The following ZNF658 variants were observed in gnomAD, a reference collection of about 807,000 sequenced individuals.
ZNF658 encodes zinc finger protein 658.
ZNF658 carries 46 observed loss-of-function variants against 78.0 expected under a neutral mutation model. The observed-to-expected ratio is 0.59, with a 90% CI of 0.47 to 0.75. The LOEUF is 0.75. Among genes scored for constraint, ZNF658 ranks in the 30% least tolerant of loss-of-function variants. The pLI is 0.00. For missense variants in ZNF658, 785 were observed against 1,189.3 expected (o/e 0.66, Z 5.00); for synonymous variants, 279 against 408.4 (o/e 0.68, Z 3.82).
intron 6 of ZNF658, among the ~76,000 whole-genome samples, chr9:66,926,897 G>C: frequency 7.1e-6 from 1 of 141,580 alleles, no homozygotes; most frequent in South Asian, 2.4e-4. Context: ...CCAAGAAATA[G>C]ATCTGTGTAT....
chr9:66,910,809 A>C (rs1822198590), intron 4 of ZNF658, among the ~76,000 whole-genome samples: 1 of 138,728 alleles, frequency 7.2e-6, no homozygotes, highest in Non-Finnish European at 1.5e-5. Context: ...AAATTAAAAA[A>C]AAAAAAAAAA....
At chr9:66,922,300 G>A (rs150448942), downstream of ZNF658, among the ~76,000 whole-genome samples, 49 of 152,204 alleles carry the variant, frequency 3.2e-4, no homozygotes, top group African/African-American at 9.9e-4. Context: ...TCTGCTTCCC[G>A]GGTGAGGCAA....
intron 2 of ZNF658, among the ~76,000 whole-genome samples, chr9:66,904,577 T>C (rs1167494585): frequency 6.6e-6 from 1 of 152,166 alleles, no homozygotes; most frequent in Non-Finnish European, 1.5e-5. Context: ...CCATTTAAAG[T>C]GTAGAATTCA....
intron 1 of ZNF658, among the ~76,000 whole-genome samples, chr9:66,901,261 T>G (rs112317267): frequency 6.6e-6 from 1 of 152,140 alleles, no homozygotes; most frequent in Non-Finnish European, 1.5e-5. Flanking sequence ...GTATAAACGT[T>G]CCATTTTAAA....
chr9:66,922,420 T>C (rs1468843696), downstream of ZNF658, among the ~76,000 whole-genome samples: 1 of 148,694 alleles, frequency 6.7e-6, no homozygotes, highest in African/African-American at 2.5e-5. Context: ...ACTCATCTTC[T>C]GCGTCACTCA....
rs547877550 is a variant in ZNF658, at chr9:66,915,372, A to T, written c.239-2433A>T. Among the ~76,000 whole-genome samples the T allele has an allele frequency of 1.7e-4, 25 of 150,554 alleles. No homozygotes were observed. In the South Asian group the frequency reaches 4.9e-3, roughly 29 times the overall value. On this transcript the variant is annotated intron_variant, in intron 4 of 4. Coordinates refer to ENST00000621410, the MANE Select transcript of ZNF658 (RefSeq NM_033160.7). ...CTCTTCTTTCCACTTAGATTGTCCA[A>T]ATAAAGTTAGTTTGCTTTTATAGTT...
intron 4 of ZNF658, among the ~76,000 whole-genome samples, chr9:66,909,709 C>T (rs1235624900): frequency 6.6e-6 from 1 of 152,212 alleles, no homozygotes; most frequent in African/African-American, 2.4e-5. Context: ...GATTTCTCCA[C>T]ATCCTCACCA....
chr9:66,903,730 T>G (rs1401135336), intron 2 of ZNF658, among the ~76,000 whole-genome samples, 154 bp downstream of exon 2: 1 of 152,182 alleles, frequency 6.6e-6, no homozygotes, highest in Non-Finnish European at 1.5e-5. Context: ...CAAAGTGGCA[T>G]GTGGATAGAT....
Position 66,920,961 on chromosome 9 carries a change from C to G in ZNF658, c.*215C>G, listed in dbSNP as rs1174838525. ...GCCCTTAAAAAAAAAAAAGAAAAAC[C>G]CTCACAGTCTTCCTGGTTCATAAGA... is the stretch of plus-strand genomic sequence containing the variant. On this transcript the variant is annotated 3_prime_UTR_variant, in exon 5 of 5. Coordinates refer to ENST00000621410, the MANE Select transcript of ZNF658 (RefSeq NM_033160.7). The G allele has an allele frequency of 9.6e-6, 6 of 622,416 alleles. No homozygotes were observed. The highest frequency in any genetic ancestry group is 5.5e-5 in the East Asian group (2 of 36,612). The allele number at this position is 622,416 out of a possible 1,614,324, so 38.6% of individuals were successfully genotyped here. A position where few individuals can be genotyped will look rare whatever the true frequency, so the allele number is the denominator to read the frequency against.
Position 66,918,699 on chromosome 9 carries a change from A to G in ZNF658, c.1133A>G (p.Asp378Gly), listed in dbSNP as rs768545104. The part of the protein sequence containing the change: ...FTAHQRIHTE[D>G]KFYLSDEHGK... Reference sequence around the variant, plus strand: ...GCACATCAGAGAATTCACACAGAAGATAAATTCTACCTTTCTGATGAACAT... The same window carrying G: ...GCACATCAGAGAATTCACACAGAAGGTAAATTCTACCTTTCTGATGAACAT... Residue 378 changes from aspartate (D) to glycine (G), a missense_variant, in exon 5 of 5, where the codon GAT (aspartate) becomes GGT (glycine). Physicochemically the swap from Asp to Gly is moderately conservative, Grantham distance 94 (BLOSUM62 -1). Around this residue, in one of 12 missense-constraint regions of ZNF658, gnomAD observed 393 missense variants for 400.2 expected, o/e 0.98. Coordinates refer to ENST00000621410, the MANE Select transcript of ZNF658 (RefSeq NM_033160.7). 3.1e-6 allele frequency: 5 copies of G among 1,613,982 alleles called. No homozygotes were observed. The highest frequency in any genetic ancestry group is 4.2e-6 in the Non-Finnish European group (5 of 1,179,874).
Position 66,920,487 on chromosome 9 carries a change from C to T in ZNF658, c.2921C>T (p.Thr974Met), listed in dbSNP as rs1461379646. The T allele has an allele frequency of 9.4e-6, 15 of 1,595,274 alleles. No homozygotes were observed. The highest frequency in any genetic ancestry group is 2.2e-5 in the East Asian group (1 of 44,496). The change falls in exon 5 of 5, where the codon ACG (threonine) becomes ATG (methionine). Residue 974 changes from threonine to methionine, a missense_variant. Thr to Met is a moderately conservative substitution (Grantham distance 81, BLOSUM62 -1). Around this residue, in one of 12 missense-constraint regions of ZNF658, gnomAD observed 85 missense variants for 108.6 expected, o/e 0.78. Transcript: ENST00000621410. ...TATGAATGTAATGATTGTGGGAAAA[C>T]GTTCTCCCAGAAATCACACCTTAGT... is the stretch of plus-strand genomic sequence containing the variant. ...KSYECNDCGK[T>M]FSQKSHLSAH...
intron 3 of ZNF658, 124 bp from the exon 4 acceptor site, chr9:66,908,515 A>C (rs542564615): frequency 6.9e-7 from 1 of 1,449,716 alleles, no homozygotes; most frequent in Non-Finnish European, 9.2e-7. Flanking sequence ...GCAACATGTC[A>C]TTACTTTCCC....
At position 66,920,389 on chromosome 9, in the gene ZNF658, T is replaced by C; in HGVS notation, c.2823T>C (p.Asn941=). ...CGGGGGAGAAACCCTACGAATGTAA[T>C]GTATGTGGGAAGCCATTTGCCCATA... is the stretch of plus-strand genomic sequence containing the variant. ...VHTGEKPYEC[N]VCGKPFAHNS... Residue 941 remains asparagine, a synonymous_variant, in exon 5 of 5, where the codon AAT becomes AAC. Transcript: ENST00000621410. 6.2e-7 allele frequency: 1 copy of C among 1,612,418 alleles called. No homozygotes were observed. The highest frequency in any genetic ancestry group is 8.5e-7 in the Non-Finnish European group (1 of 1,179,758).
At chr9:66,922,432 G>A (rs574580030), downstream of ZNF658, among the ~76,000 whole-genome samples, 7 of 143,690 alleles carry the variant, frequency 4.9e-5, no homozygotes, top group South Asian at 2.4e-4. Context: ...CGTCACTCAC[G>A]CTGGGAGCTG....
intron 4 of ZNF658, among the ~76,000 whole-genome samples, chr9:66,915,081 ACACAC>A (rs1822303692): frequency 6.6e-6 from 1 of 151,720 alleles, no homozygotes; most frequent in African/African-American, 2.4e-5. Context: ...ACACACACAC[ACACAC>A]ACACACATAC....
Position 66,921,049 on chromosome 9 carries a change from A to C in ZNF658, c.*303A>C. 1 of 380,858 alleles carries C rather than the reference A, an allele frequency of 2.6e-6. No homozygotes were observed. Among genetic ancestry groups the C allele is most frequent in the East Asian group, 4.6e-5 (1 of 21,864 alleles). 23.6% of individuals were successfully genotyped at this position (380,858 alleles called of 1,614,324 possible). On this transcript the variant is annotated 3_prime_UTR_variant, in exon 5 of 5. Coordinates refer to ENST00000621410, the MANE Select transcript of ZNF658 (RefSeq NM_033160.7). Reference sequence around the variant, plus strand: ...TGTGTGTTCAAAACCATAGAGCACAAGGTCAAGGAAGCTAGAGTCTGAAAA... The same window carrying C: ...TGTGTGTTCAAAACCATAGAGCACACGGTCAAGGAAGCTAGAGTCTGAAAA...
chr9:66,900,948 C>G (rs1344368338), intron 1 of ZNF658, 112 bp downstream of exon 1: 2 of 152,074 alleles, frequency 1.3e-5, no homozygotes, highest in South Asian at 2.1e-4. Context: ...TGGCCCTCCC[C>G]TCTCCTCCCC....
At position 66,918,685 on chromosome 9, in the gene ZNF658, A is replaced by T. The variant is rs773604379; in HGVS notation, c.1119A>T (p.Arg373Ser). 24 of 1,613,816 alleles carry T rather than the reference A, an allele frequency of 1.5e-5. No homozygotes were observed. The highest frequency in any genetic ancestry group is 5.0e-5 in the Admixed American group (3 of 59,986). Reference sequence around the variant, plus strand: ...AATTAGACTTTACAGCACATCAGAGAATTCACACAGAAGATAAATTCTACC... The same window carrying T: ...AATTAGACTTTACAGCACATCAGAGTATTCACACAGAAGATAAATTCTACC... ...YQKLDFTAHQRIHTEDKFYLS... is the reference protein window; with the variant it reads ...YQKLDFTAHQSIHTEDKFYLS... The change falls in exon 5 of 5, where the codon AGA becomes AGT. Residue 373 changes from arginine to serine, a missense_variant. Coordinates refer to ENST00000621410, the MANE Select transcript of ZNF658 (RefSeq NM_033160.7).
chr9:66,905,687 T>C (rs1013880548), intron 2 of ZNF658, among the ~76,000 whole-genome samples: 21 of 136,184 alleles, frequency 1.5e-4, no homozygotes, highest in Admixed American at 1.2e-3. Flanking sequence ...ATATTTGTTT[T>C]AGTTTTGTAC....
Sources: allele counts gnomAD v4.1 joint callset (sites outside exome capture counted in the v4.1 genomes callset), GRCh38; gene constraint gnomAD v4.1.1; regional missense constraint gnomAD v4.1.1; transcripts MANE v1.5; gene names NCBI Gene and HGNC (gene_info 2026-07-23, HGNC 2026-07-21).